The following HS1BP3 variants were observed in gnomAD, a reference collection of about 807,000 sequenced individuals.
HS1BP3 encodes HCLS1-binding protein 3.
In HS1BP3, 32 loss-of-function variants were observed where a neutral mutation model predicts 33.5. That is an observed-to-expected ratio of 0.95 (90% CI 0.72 to 1.28). HS1BP3 has a LOEUF of 1.28. Among genes scored for constraint, HS1BP3 ranks in the 50% most tolerant of loss-of-function variants. The pLI is 0.00. For missense variants in HS1BP3, 486 were observed against 502.3 expected, an observed-to-expected ratio of 0.97 and a Z score of 0.31; for synonymous variants, 187 against 209.2, an observed-to-expected ratio of 0.89 and a Z score of 0.92.
intron 4 of HS1BP3, among the ~76,000 whole-genome samples, chr2:20,633,502 A>G (rs1558345318): frequency 1.3e-5 from 2 of 152,154 alleles, no homozygotes; most frequent in Admixed American, 6.5e-5. Context: ...TTGTGCAGTA[A>G]TCTGTTTTTT....
At chr2:20,554,054 G>C in the HS1BP3 span, among the ~76,000 whole-genome samples, 1 of 152,182 alleles carries the variant, frequency 6.6e-6, no homozygotes, top group African/African-American at 2.4e-5. Context: ...GTGATGTCAA[G>C]AGAATTAGAT....
At chr2:20,582,919 T>A (rs1439798092) in intron 5 of HS1BP3, among the ~76,000 whole-genome samples, 2 of 152,052 alleles carry the variant, frequency 1.3e-5, no homozygotes, top group Non-Finnish European at 2.9e-5. Context: ...GCCTGCCTGC[T>A]CCAGCCAGGC....
intron 5 of HS1BP3, among the ~76,000 whole-genome samples, chr2:20,577,612 G>A (rs769384919): frequency 2.0e-5 from 3 of 152,120 alleles, no homozygotes; most frequent in African/African-American, 7.2e-5. Flanking sequence ...TCCCAGCACC[G>A]CCATCTGGGA....
downstream of HS1BP3, among the ~76,000 whole-genome samples, chr2:20,556,745 T>C (rs114594367): frequency 3.6e-3 from 544 of 152,338 alleles, 1 homozygote; most frequent in African/African-American, 0.013. Flanking sequence ...TGCTGCATTT[T>C]AGTTTAAATT....
At chr2:20,575,877 A>G (rs1693388069) in intron 5 of HS1BP3, among the ~76,000 whole-genome samples, 1 of 152,078 alleles carries the variant, frequency 6.6e-6, no homozygotes, top group Admixed American at 6.5e-5. Flanking sequence ...GTTGCTTTTT[A>G]AAAGGTAGCT....
chr2:20,644,782 C>T (rs1328391437), intron 2 of HS1BP3, among the ~76,000 whole-genome samples: 5 of 152,168 alleles, frequency 3.3e-5, no homozygotes, highest in Non-Finnish European at 1.5e-5. Context: ...CCACGTCACT[C>T]CCCTGCTTAA....
In HS1BP3 at chr2:20,576,798, G is replaced by A. The variant is rs368480903; in HGVS notation, c.303-16283C>T. Among the ~76,000 whole-genome samples the A allele has an allele frequency of 8.5e-5, 13 of 152,314 alleles. No homozygotes were observed. In the East Asian group the frequency reaches 9.6e-4, roughly 11 times the overall value. ...ATTTCTTGGGTCTTGCCTGCCTCCC[G>A]GAAGCTGAACTTATCACCAGAGGGA... On this transcript the variant is annotated intron_variant, in intron 5 of 5. Transcript: ENST00000446825.
At chr2:20,642,719 A>G (rs936120801) in intron 2 of HS1BP3, among the ~76,000 whole-genome samples, 15 of 152,338 alleles carry the variant, frequency 9.8e-5, no homozygotes, top group African/African-American at 3.6e-4. Context: ...GCCCACGTCC[A>G]TCAGGGGTTC....
At chr2:20,589,391 C>G (rs1693757791), downstream of HS1BP3, among the ~76,000 whole-genome samples, 4 of 152,182 alleles carry the variant, frequency 2.6e-5, no homozygotes, top group South Asian at 8.3e-4. Context: ...TGGAACATGA[C>G]CTAAAGGCCG....
At chr2:20,606,408 G>T in intron 2 of HS1BP3, 1 of 477,222 alleles carries the variant, frequency 2.1e-6, no homozygotes, top group Non-Finnish European at 4.2e-6. Flanking sequence ...GCCCTGGCCA[G>T]GGAGACTCAA....
chr2:20,613,858 G>A (rs561934234), downstream of HS1BP3, among the ~76,000 whole-genome samples: 10 of 152,208 alleles, frequency 6.6e-5, no homozygotes, highest in Non-Finnish European at 1.2e-4. Context: ...TGAATGCCAC[G>A]TGCTCAGGAC....
intron 6 of HS1BP3, among the ~76,000 whole-genome samples, chr2:20,620,986 G>A (rs1001199325): frequency 6.6e-6 from 1 of 152,260 alleles, no homozygotes; most frequent in Non-Finnish European, 1.5e-5. Context: ...GGCCTCCTGG[G>A]AAGGTGGGTC....
chr2:20,558,798 G>A (rs1692902629), downstream of HS1BP3, among the ~76,000 whole-genome samples: 4 of 152,180 alleles, frequency 2.6e-5, no homozygotes, highest in Admixed American at 2.6e-4. Context: ...AAGCCTGTGG[G>A]AGGGGAGGGC....
intron 2 of HS1BP3, among the ~76,000 whole-genome samples, chr2:20,601,309 T>G (rs900024010): frequency 1.3e-5 from 2 of 152,234 alleles, no homozygotes; most frequent in African/African-American, 4.8e-5. Context: ...AAACCATCAG[T>G]ATCAGTATTC....
At chr2:20,622,573 G>GCT (rs199864977) in intron 6 of HS1BP3, 17,640 of 343,096 alleles carry the variant, frequency 0.051, 563 homozygotes, top group African/African-American at 0.076. Context: ...CCCCTTTGAA[G>GCT]ATAGCCTTTG....
chr2:20,578,182 G>A (rs1693446681), intron 5 of HS1BP3, among the ~76,000 whole-genome samples: 1 of 152,222 alleles, frequency 6.6e-6, no homozygotes, highest in Admixed American at 6.5e-5. Flanking sequence ...GCTCGGGAGA[G>A]TGGCACAGGG....
intron 3 of HS1BP3, among the ~76,000 whole-genome samples, chr2:20,596,660 G>T (rs920766899): frequency 2.6e-5 from 4 of 152,158 alleles, no homozygotes; most frequent in Non-Finnish European, 5.9e-5. Flanking sequence ...AGGACTAAGA[G>T]AATTACTTTT....
At chr2:20,644,261 C>T (rs1418532374) in intron 2 of HS1BP3, among the ~76,000 whole-genome samples, 1 of 152,138 alleles carries the variant, frequency 6.6e-6, no homozygotes, top group Non-Finnish European at 1.5e-5. Flanking sequence ...AGATACCCAC[C>T]CAGTTCTCTC....
At chr2:20,582,165 G>T (rs1377354) in intron 5 of HS1BP3, among the ~76,000 whole-genome samples, 26,294 of 152,264 alleles carry the variant, frequency 0.17, 2,863 homozygotes, top group Non-Finnish European at 0.24. Context: ...TGCAGGGTGT[G>T]ACCACCACAC....
Sources: allele counts gnomAD v4.1 joint callset (sites outside exome capture counted in the v4.1 genomes callset), GRCh38; gene constraint gnomAD v4.1.1; transcripts MANE v1.5; gene names NCBI Gene and HGNC (gene_info 2026-07-23, HGNC 2026-07-21).